Variants in BAZ2B observed in about 807,000 individuals in gnomAD.
BAZ2B encodes bromodomain adjacent to zinc finger domain protein 2B.
Under a neutral mutation model 246.0 loss-of-function variants are expected in BAZ2B, and 91 were observed. The ratio of observed to expected loss-of-function variants is 0.37; its 90% CI spans 0.31 to 0.44. The LOEUF (loss-of-function observed/expected upper bound fraction) is 0.44, where lower values mean the gene tolerates loss of function less well. Among genes scored for constraint, BAZ2B ranks in the 20% least tolerant of loss-of-function variants. The pLI is 1.00. For missense variants in BAZ2B, 2,332 were observed against 2,533.7 expected (o/e 0.92, Z 1.71); for synonymous variants, 855 against 860.0 (o/e 0.99, Z 0.10).
chr2:159,463,593 C>G (rs1205315240), intron 3 of BAZ2B: 1 of 152,270 alleles, frequency 6.6e-6, no homozygotes. Context: ...GAGATGATAG[C>G]TCATTGTGAT....
At chr2:159,638,222 G>C in the BAZ2B span, among the ~76,000 whole-genome samples, 1 of 152,218 alleles carries the variant, frequency 6.6e-6, no homozygotes, top group East Asian at 1.9e-4. Flanking sequence ...CAGCATTATT[G>C]GGCTTGGGGC....
At chr2:159,491,722 A>AAAAAAAAAAAAAAAG (rs2080518356) in intron 2 of BAZ2B, among the ~76,000 whole-genome samples, 1 of 74,342 alleles carries the variant, frequency 1.3e-5, no homozygotes, top group East Asian at 3.9e-4. Flanking sequence ...CTCCGTCTCA[A>AAAAAAAAAAAAAAAG]AAAAAAAAAA....
chr2:159,364,348 A>G (rs898571069), intron 27 of BAZ2B, among the ~76,000 whole-genome samples: 2 of 152,072 alleles, frequency 1.3e-5, no homozygotes, highest in African/African-American at 4.8e-5. Flanking sequence ...CGTGAATTCT[A>G]GTTGTTTCTT....
chr2:159,683,101 C>T, the BAZ2B span, among the ~76,000 whole-genome samples: 11 of 151,970 alleles, frequency 7.2e-5, no homozygotes, highest in Non-Finnish European at 1.5e-4. Context: ...ATTATACTTT[C>T]GACAAATGTA....
chr2:159,547,929 A>T (rs1315765897), intron 2 of BAZ2B, among the ~76,000 whole-genome samples: 1 of 152,192 alleles, frequency 6.6e-6, no homozygotes, highest in Non-Finnish European at 1.5e-5. Flanking sequence ...GCATGGTGTT[A>T]TTTATATATG....
intron 2 of BAZ2B, among the ~76,000 whole-genome samples, chr2:159,515,866 T>G (rs1357228913): frequency 6.6e-6 from 1 of 152,130 alleles, no homozygotes; most frequent in Non-Finnish European, 1.5e-5. Flanking sequence ...TAAATAGAAT[T>G]ATGAAACTTA....
intron 2 of BAZ2B, among the ~76,000 whole-genome samples, chr2:159,485,969 A>C (rs2079786860): frequency 6.6e-6 from 1 of 152,102 alleles, no homozygotes; most frequent in African/African-American, 2.4e-5. Context: ...CTATTCAGAG[A>C]GTATCCCTTT....
the BAZ2B span, among the ~76,000 whole-genome samples, chr2:159,684,341 T>C: frequency 3.9e-5 from 6 of 152,322 alleles, no homozygotes; most frequent in East Asian, 1.2e-3. Flanking sequence ...AGGAATGAGA[T>C]TGCTGAGTTG....
At chr2:159,496,049 A>G (rs948426937) in intron 2 of BAZ2B, among the ~76,000 whole-genome samples, 13 of 149,234 alleles carry the variant, frequency 8.7e-5, no homozygotes, top group East Asian at 8.6e-4. Context: ...GATTACAGGC[A>G]TGAGCCACCG....
At chr2:159,659,887 A>G in the BAZ2B span, among the ~76,000 whole-genome samples, 1 of 152,226 alleles carries the variant, frequency 6.6e-6, no homozygotes, top group Non-Finnish European at 1.5e-5. Context: ...TCCATTTACC[A>G]TAACTGGAAG....
At chr2:159,631,704 T>C in the BAZ2B span, among the ~76,000 whole-genome samples, 3 of 152,114 alleles carry the variant, frequency 2.0e-5, no homozygotes, top group African/African-American at 7.2e-5. Context: ...AATAAATGAG[T>C]TCATAATTAT....
intron 1 of BAZ2B, among the ~76,000 whole-genome samples, chr2:159,597,851 C>T (rs962505610): frequency 2.0e-5 from 3 of 152,222 alleles, no homozygotes; most frequent in African/African-American, 7.2e-5. Context: ...CTCAATCAAA[C>T]CCCAAATATC....
intron 2 of BAZ2B, among the ~76,000 whole-genome samples, chr2:159,542,790 A>G (rs1442146085): frequency 6.6e-6 from 1 of 152,078 alleles, no homozygotes; most frequent in Non-Finnish European, 1.5e-5. Flanking sequence ...TCTATAATAT[A>G]TCCAGCAAAA....
At chr2:159,375,176 C>G (rs2061290744) in intron 25 of BAZ2B, among the ~76,000 whole-genome samples, 1 of 152,116 alleles carries the variant, frequency 6.6e-6, no homozygotes, top group African/African-American at 2.4e-5. Context: ...CCACTGCACT[C>G]CAGCCTGCAG....
intron 34 of BAZ2B, among the ~76,000 whole-genome samples, chr2:159,327,369 A>C (rs962381079): frequency 1.3e-5 from 2 of 152,212 alleles, no homozygotes; most frequent in African/African-American, 4.8e-5. Flanking sequence ...TTGGCAGGTT[A>C]AAGTATAGTT....
At chr2:159,458,703 C>T (rs1249628235) in intron 3 of BAZ2B, 1 of 152,186 alleles carries the variant, frequency 6.6e-6, no homozygotes, top group African/African-American at 2.4e-5. Flanking sequence ...CTTAACTATA[C>T]ATCTTTCAAT....
At chr2:159,503,540 A>G (rs985129744) in intron 2 of BAZ2B, among the ~76,000 whole-genome samples, 1 of 152,086 alleles carries the variant, frequency 6.6e-6, no homozygotes, top group Admixed American at 6.6e-5. Flanking sequence ...ATTGTACTAT[A>G]TAACAATTTT....
Position 159,395,771 on chromosome 2 carries a change from C to A in BAZ2B, c.3073G>T (p.Glu1025Ter). Residue 1025 changes from glutamate (E) to a stop codon, truncating the protein, a stop_gained and splice_region_variant, in exon 20 of 37, where the codon GAA becomes TAA. Transcript: ENST00000392783. LOFTEE classifies it high-confidence loss of function. ...MKAMEARKKA[E>*]EKERLKQEKR... ...TTTTTCTAGAAACATACACTTACTT[C>A]TGCTTTTTTACGAGCTTCCATAGCT... 6.2e-7 allele frequency: 1 copy of A among 1,608,198 alleles called. No homozygotes were observed. Among genetic ancestry groups the A allele is most frequent in the Non-Finnish European group, 8.5e-7 (1 of 1,175,934 alleles).
the BAZ2B span, among the ~76,000 whole-genome samples, chr2:159,631,888 G>GTA: frequency 7.7e-3 from 1,165 of 150,914 alleles, 7 homozygotes; most frequent in African/African-American, 0.011. Context: ...ACATGTATGT[G>GTA]TATATATATA....
Sources: gnomAD v4.1 joint callset for allele counts (sites outside exome capture counted in the v4.1 genomes callset) on GRCh38, gnomAD v4.1.1 for gene constraint, MANE v1.5 for transcripts, NCBI Gene and HGNC (gene_info 2026-07-23, HGNC 2026-07-21) for gene names.